The following SCFD2 variants were observed in gnomAD, a reference collection of about 807,000 sequenced individuals.
SCFD2 encodes the protein sec1 family domain containing 2, also known as sec1 family domain-containing protein 2.
SCFD2 carries 54 observed loss-of-function variants against 58.9 expected under a neutral mutation model. The ratio of observed to expected loss-of-function variants is 0.92; its 90% CI spans 0.74 to 1.15. The LOEUF (loss-of-function observed/expected upper bound fraction) is 1.15. Among genes scored for constraint, SCFD2 ranks in the 50% most tolerant of loss-of-function variants. SCFD2 has a pLI of 0.00. For missense variants in SCFD2, 805 were observed against 836.6 expected (o/e 0.96, Z 0.47); for synonymous variants, 321 against 335.9 (o/e 0.96, Z 0.49).
At chr4:53,284,263 C>T (rs1731597152) in intron 3 of SCFD2, among the ~76,000 whole-genome samples, 1 of 150,932 alleles carries the variant, frequency 6.6e-6, no homozygotes. Context: ...CACATTGCCA[C>T]ATTACCATAC....
chr4:53,071,008 A>T (rs1158110659), intron 5 of SCFD2, among the ~76,000 whole-genome samples: 1 of 152,128 alleles, frequency 6.6e-6, no homozygotes, highest in Non-Finnish European at 1.5e-5. Flanking sequence ...CCAATGAGAT[A>T]TAAGCATAAG....
chr4:53,108,924 T>C (rs1348411245), intron 5 of SCFD2, among the ~76,000 whole-genome samples: 2 of 152,110 alleles, frequency 1.3e-5, no homozygotes, highest in African/African-American at 4.8e-5. Flanking sequence ...AAAAGAAAAG[T>C]TCAGGCCAAT....
intron 5 of SCFD2, among the ~76,000 whole-genome samples, chr4:53,129,369 A>G (rs1725722665): frequency 6.6e-6 from 1 of 152,266 alleles, no homozygotes; most frequent in South Asian, 2.1e-4. Context: ...TAAACAAGCA[A>G]CACATGAAGG....
intron 5 of SCFD2, among the ~76,000 whole-genome samples, chr4:52,998,295 A>C (rs144443369): frequency 5.1e-4 from 78 of 152,364 alleles, no homozygotes; most frequent in African/African-American, 1.8e-3. Context: ...GGTCAGACAG[A>C]CATAGCCACT....
At chr4:52,885,231 G>A (rs1718707464) in intron 8 of SCFD2, among the ~76,000 whole-genome samples, 1 of 152,076 alleles carries the variant, frequency 6.6e-6, no homozygotes, top group African/African-American at 2.4e-5. Flanking sequence ...GGTGGTTCCT[G>A]GAGTTATCCC....
intron 7 of SCFD2, among the ~76,000 whole-genome samples, chr4:52,896,129 G>T (rs1408280607): frequency 6.6e-6 from 1 of 152,044 alleles, no homozygotes; most frequent in African/African-American, 2.4e-5. Flanking sequence ...TCACTCTGAT[G>T]GTAGTTTCTT....
chr4:53,282,974 GC>G (rs1731552016), intron 3 of SCFD2, among the ~76,000 whole-genome samples: 1 of 152,196 alleles, frequency 6.6e-6, no homozygotes, highest in Non-Finnish European at 1.5e-5. Context: ...GGAGCTACCT[GC>G]CCATGAGCAA....
intron 6 of SCFD2, among the ~76,000 whole-genome samples, chr4:52,919,971 A>T (rs1719696447): frequency 6.6e-6 from 1 of 152,212 alleles, no homozygotes; most frequent in Non-Finnish European, 1.5e-5. Flanking sequence ...CCCCACAGTT[A>T]AACTTAGTCA....
intron 2 of SCFD2, among the ~76,000 whole-genome samples, chr4:53,315,369 G>A (rs747191719): frequency 1.1e-4 from 17 of 152,020 alleles, no homozygotes; most frequent in Non-Finnish European, 4.4e-5. Context: ...CTGTTCTGTT[G>A]CATGCCAAGG....
chr4:53,056,007 T>G (rs1221386430), intron 5 of SCFD2, among the ~76,000 whole-genome samples: 3 of 152,216 alleles, frequency 2.0e-5, no homozygotes, highest in Non-Finnish European at 4.4e-5. Context: ...TACCCCAAAA[T>G]GAACATGTGT....
chr4:53,193,598 C>A (rs1031837459), intron 4 of SCFD2, among the ~76,000 whole-genome samples: 2 of 152,126 alleles, frequency 1.3e-5, no homozygotes, highest in African/African-American at 4.8e-5. Context: ...CTCTGGAAAC[C>A]TTCACCTTAC....
intron 4 of SCFD2, among the ~76,000 whole-genome samples, chr4:53,207,233 G>T (rs1728433520): frequency 6.7e-6 from 1 of 149,248 alleles, no homozygotes; most frequent in South Asian, 2.1e-4. Context: ...TACGGATTAA[G>T]TTTCCAACCT....
intron 5 of SCFD2, among the ~76,000 whole-genome samples, chr4:53,116,216 A>C (rs1725314494): frequency 1.3e-5 from 2 of 151,126 alleles, no homozygotes; most frequent in South Asian, 4.2e-4. Flanking sequence ...ATTATGTTAT[A>C]ATAAAATGTT....
chr4:53,287,131 C>A (rs1731693449), intron 3 of SCFD2, among the ~76,000 whole-genome samples: 1 of 152,168 alleles, frequency 6.6e-6, no homozygotes, highest in South Asian at 2.1e-4. Context: ...GAGTGCCTCA[C>A]ACTCACAGTC....
chr4:52,907,199 G>A (rs931579085), intron 7 of SCFD2, among the ~76,000 whole-genome samples: 3 of 152,204 alleles, frequency 2.0e-5, no homozygotes, highest in African/African-American at 7.2e-5. Context: ...TGCTGTCCCA[G>A]AGAGATTGTG....
At chr4:53,338,647 C>T (rs1358298946) in intron 2 of SCFD2, among the ~76,000 whole-genome samples, 1 of 114,544 alleles carries the variant, frequency 8.7e-6, no homozygotes, top group Admixed American at 1.3e-4. Flanking sequence ...GTGGCGGGAT[C>T]TCGGCTCACT....
chr4:53,140,128 G>A lies in SCFD2; in HGVS notation c.1561+5205C>T, dbSNP rs1726084130. On this transcript the variant is annotated intron_variant, in intron 5 of 8. Transcript: ENST00000401642. ...GAGACCTTTGTTCACATGTTTATCT[G>A]CTGACCTTCCCTCCACTATTGTCCT... Among the ~76,000 whole-genome samples, 3 of 151,532 alleles carry A rather than the reference G, an allele frequency of 2.0e-5. No individual in the cohort carries two copies. In the South Asian group the frequency reaches 6.3e-4, roughly 32 times the overall value.
At chr4:53,164,788 C>CAAAAA (rs767167356) in intron 4 of SCFD2, among the ~76,000 whole-genome samples, 5 of 97,606 alleles carry the variant, frequency 5.1e-5, no homozygotes, top group African/African-American at 1.2e-4. Flanking sequence ...TCTGGAGTCT[C>CAAAAA]AAAAAAAAAA....
At chr4:52,897,066 T>G (rs1317214413) in intron 7 of SCFD2, among the ~76,000 whole-genome samples, 1 of 152,244 alleles carries the variant, frequency 6.6e-6, no homozygotes, top group Non-Finnish European at 1.5e-5. Flanking sequence ...GCTGAGACGA[T>G]GGGGTTTTCT....
Sources: gnomAD v4.1 joint callset for allele counts (sites outside exome capture counted in the v4.1 genomes callset) on GRCh38, gnomAD v4.1.1 for gene constraint, MANE v1.5 for transcripts, NCBI Gene and HGNC (gene_info 2026-07-23, HGNC 2026-07-21) for gene names.